MOSMO: variants seen among roughly 807,000 people sequenced by gnomAD.
MOSMO encodes modulator of smoothened protein.
Under a neutral mutation model 18.4 loss-of-function variants are expected in MOSMO, and 5 were observed. The observed-to-expected ratio is 0.27, with a 90% CI of 0.14 to 0.57. The LOEUF is 0.57. MOSMO is among the 20% of genes least tolerant of loss of function. The pLI, the probability that MOSMO is intolerant of heterozygous loss-of-function variation, is 0.92. For missense variants in MOSMO, 138 were observed against 211.8 expected (o/e 0.65, Z 2.16); for synonymous variants, 82 against 82.3 (o/e 1.00, Z 0.02).
intron 1 of MOSMO, among the ~76,000 whole-genome samples, chr16:22,047,345 T>C (rs1051403644): frequency 2.7e-5 from 4 of 150,518 alleles, no homozygotes; most frequent in Non-Finnish European, 4.4e-5. Context: ...CCCAGGTTCA[T>C]GCCATTCTCC....
intron 1 of MOSMO, among the ~76,000 whole-genome samples, chr16:22,018,476 A>G (rs1221776697): frequency 6.6e-6 from 1 of 152,242 alleles, no homozygotes; most frequent in Non-Finnish European, 1.5e-5. Context: ...CATTTGATTT[A>G]TAAGGTACCA....
chr16:22,023,313 T>G (rs758733417), intron 1 of MOSMO, among the ~76,000 whole-genome samples: 9 of 152,188 alleles, frequency 5.9e-5, no homozygotes, highest in South Asian at 2.1e-4. Context: ...CTCATACTCT[T>G]TCTGAGGTTC....
rs372931884 is a variant in MOSMO at position 22,025,443 on chromosome 16, A to C, written c.106+17036A>C. ...ATTCTACTGTTTACATATAAATTCTAGTCCATGGACAACTGGCCACAGTGT... is the reference window on the plus strand; with the variant it reads ...ATTCTACTGTTTACATATAAATTCTCGTCCATGGACAACTGGCCACAGTGT... On this transcript the variant is annotated intron_variant, in intron 1 of 2. Coordinates refer to ENST00000542527, the MANE Select transcript of MOSMO (RefSeq NM_001164579.2). Among the ~76,000 whole-genome samples, 31 of 152,324 alleles carry C rather than the reference A, an allele frequency of 2.0e-4. No homozygotes were observed. In the East Asian group the frequency reaches 5.6e-3, roughly 27 times the overall value.
At chr16:22,089,554 G>A (rs1012297030), downstream of MOSMO, among the ~76,000 whole-genome samples, 1 of 152,072 alleles carries the variant, frequency 6.6e-6, no homozygotes, top group African/African-American at 2.4e-5. Context: ...GAATTTACTG[G>A]TTATTGGAGT....
intron 2 of MOSMO, 112 bp downstream of exon 2, chr16:22,075,811 C>A: frequency 1.3e-6 from 1 of 760,498 alleles, no homozygotes; most frequent in South Asian, 1.6e-5. Context: ...CAAAGAGCAC[C>A]ACTTGTGTAT....
intron 1 of MOSMO, among the ~76,000 whole-genome samples, chr16:22,062,331 A>T (rs1900662255): frequency 6.6e-6 from 1 of 151,988 alleles, no homozygotes; most frequent in Non-Finnish European, 1.5e-5. Flanking sequence ...CTTATATTTA[A>T]TTTATTTATT....
chr16:22,069,482 GA>G (rs148467040), intron 1 of MOSMO, among the ~76,000 whole-genome samples: 7,678 of 152,102 alleles, frequency 0.05, 276 homozygotes, highest in Non-Finnish European at 0.076. Flanking sequence ...AAATGGGAAA[GA>G]AAAAAGTGTG....
At chr16:22,048,206 C>T (rs1413407930) in intron 1 of MOSMO, among the ~76,000 whole-genome samples, 2 of 152,224 alleles carry the variant, frequency 1.3e-5, no homozygotes, top group East Asian at 3.8e-4. Flanking sequence ...TGTTACTCTA[C>T]ATCTGTGTGC....
intron 1 of MOSMO, among the ~76,000 whole-genome samples, chr16:22,033,632 C>A (rs1900042659): frequency 6.6e-6 from 1 of 151,702 alleles, no homozygotes; most frequent in Non-Finnish European, 1.5e-5. Context: ...CCTGACTAAC[C>A]TTGAAACCCC....
At chr16:22,067,372 C>T (rs1900766699) in intron 1 of MOSMO, among the ~76,000 whole-genome samples, 2 of 152,110 alleles carry the variant, frequency 1.3e-5, no homozygotes, top group Non-Finnish European at 2.9e-5. Flanking sequence ...CTAAGAGATT[C>T]TAAGTAGGAT....
Position 22,071,547 on chromosome 16 carries a change from T to C in MOSMO, c.107-3940T>C, listed in dbSNP as rs890432920. Among the ~76,000 whole-genome samples the C allele has an allele frequency of 8.5e-4, 129 of 152,318 alleles. 1 individual carries two copies. The highest frequency in any genetic ancestry group is 3.0e-3 in the African/African-American group (123 of 41,576). ...TGGCTGTATTAAATCGTTTTAACAGTGTCTGGATTTACAGATGATGAGCGT... is the reference window on the plus strand; with the variant it reads ...TGGCTGTATTAAATCGTTTTAACAGCGTCTGGATTTACAGATGATGAGCGT... On this transcript the variant is annotated intron_variant, in intron 1 of 2. Transcript: ENST00000542527.
intron 1 of MOSMO, among the ~76,000 whole-genome samples, chr16:22,048,048 A>C (rs1900349152): frequency 6.6e-6 from 1 of 152,236 alleles, no homozygotes; most frequent in Non-Finnish European, 1.5e-5. Flanking sequence ...CTAAAGGCAC[A>C]TCAGAACTGA....
At chr16:22,043,493 T>G (rs1006370431) in intron 1 of MOSMO, among the ~76,000 whole-genome samples, 1 of 152,218 alleles carries the variant, frequency 6.6e-6, no homozygotes, top group African/African-American at 2.4e-5. Flanking sequence ...CAGTGAATAT[T>G]TATTGAGCAC....
intron 1 of MOSMO, among the ~76,000 whole-genome samples, chr16:22,058,001 G>GA (rs902699942): frequency 8.6e-5 from 13 of 151,732 alleles, no homozygotes; most frequent in Non-Finnish European, 1.9e-4. Flanking sequence ...AGATCTGTCT[G>GA]AAAAAAAAGG....
At chr16:22,030,836 A>T (rs548076837) in intron 1 of MOSMO, among the ~76,000 whole-genome samples, 1 of 152,154 alleles carries the variant, frequency 6.6e-6, no homozygotes, top group Non-Finnish European at 1.5e-5. Flanking sequence ...GTCTTTTTTT[A>T]TTATTATTAT....
At chr16:22,061,561 G>A (rs936208805) in intron 1 of MOSMO, among the ~76,000 whole-genome samples, 2 of 152,130 alleles carry the variant, frequency 1.3e-5, no homozygotes, top group African/African-American at 4.8e-5. Flanking sequence ...GGAAACACAG[G>A]GGTCATGTCT....
chr16:22,081,937 G>A lies in MOSMO; in HGVS notation c.*1057G>A, dbSNP rs1402937393. On this transcript the variant is annotated 3_prime_UTR_variant, in exon 3 of 3. Coordinates refer to ENST00000542527, the MANE Select transcript of MOSMO (RefSeq NM_001164579.2). ...AATTTATTTGTATATGATAGTAGAAGGTAAGATCATGTCAAACCTTATAAT... is the reference window on the plus strand; with the variant it reads ...AATTTATTTGTATATGATAGTAGAAAGTAAGATCATGTCAAACCTTATAAT... 2.0e-5 allele frequency: 3 copies of A among 152,020 alleles called. No individual in the cohort carries two copies. The highest frequency in any genetic ancestry group is 6.6e-5 in the Admixed American group (1 of 15,262). The allele number at this position is 152,020 out of a possible 1,614,324, so 9.4% of individuals were successfully genotyped here.
At chr16:22,063,838 C>T (rs971537073) in intron 1 of MOSMO, among the ~76,000 whole-genome samples, 2 of 152,152 alleles carry the variant, frequency 1.3e-5, no homozygotes, top group Non-Finnish European at 2.9e-5. Context: ...GTGATTAAGT[C>T]TGTTCTGATA....
At chr16:22,048,023 C>T (rs937975719) in intron 1 of MOSMO, among the ~76,000 whole-genome samples, 1 of 152,128 alleles carries the variant, frequency 6.6e-6, no homozygotes, top group East Asian at 1.9e-4. Context: ...TCTTGAAAGA[C>T]GAGGGAGTTA....
Sources: gnomAD v4.1 joint callset for allele counts (sites outside exome capture counted in the v4.1 genomes callset) on GRCh38, gnomAD v4.1.1 for gene constraint, MANE v1.5 for transcripts, NCBI Gene and HGNC (gene_info 2026-07-23, HGNC 2026-07-21) for gene names.